Variants in CHEK1 observed in about 807,000 individuals in gnomAD.
CHEK1 encodes the protein checkpoint kinase 1.
In CHEK1, 32 loss-of-function variants were observed where a neutral mutation model predicts 60.2. The ratio of observed to expected loss-of-function variants is 0.53; its 90% CI spans 0.40 to 0.71. The LOEUF (loss-of-function observed/expected upper bound fraction) is 0.71, where lower values mean the gene tolerates loss of function less well. Among genes scored for constraint, CHEK1 ranks in the 30% least tolerant of loss-of-function variants. The pLI, the probability that CHEK1 is intolerant of heterozygous loss-of-function variation, is 0.00. For missense variants in CHEK1, 399 were observed against 564.6 expected, an observed-to-expected ratio of 0.71 and a Z score of 2.97; for synonymous variants, 179 against 187.2, an observed-to-expected ratio of 0.96 and a Z score of 0.36.
chr11:125,678,298 C>T (rs1316727624), downstream of CHEK1: 3 of 1,612,772 alleles, frequency 1.9e-6, no homozygotes, highest in Admixed American at 3.3e-5. Context: ...CTTGATGTTC[C>T]TGGGATGGAG....
intron 5 of CHEK1, among the ~76,000 whole-genome samples, chr11:125,632,601 G>A (rs1940908513): frequency 6.6e-6 from 1 of 152,112 alleles, no homozygotes; most frequent in Non-Finnish European, 1.5e-5. Context: ...AAGATGGGAA[G>A]TTAGGGTGGA....
At position 125,653,478 on chromosome 11, in the gene CHEK1, G is replaced by A. The variant is rs183127187; in HGVS notation, c.1234-268G>A. On this transcript the variant is annotated intron_variant, in intron 11 of 12. Transcript: ENST00000438015. This position sits in a 1 kb window ranked among gnomAD's most constrained non-coding sequence, Gnocchi z 4.3. ...TGGCCTCCCAAAGTGCTGGATTACAGGCGTGAGCCACAGTGCCTGGCCTAC... is the reference window on the plus strand; with the variant it reads ...TGGCCTCCCAAAGTGCTGGATTACAAGCGTGAGCCACAGTGCCTGGCCTAC... Among the ~76,000 whole-genome samples the A allele has an allele frequency of 1.9e-4, 29 of 152,354 alleles. 1 individual carries two copies. Among genetic ancestry groups the A allele is most frequent in the African/African-American group, 6.5e-4 (27 of 41,582 alleles).
chr11:125,668,996 G>A (rs1033933779), intron 13 of CHEK1, among the ~76,000 whole-genome samples: 1 of 151,744 alleles, frequency 6.6e-6, no homozygotes, highest in African/African-American at 2.4e-5. Flanking sequence ...CAAAAGTATA[G>A]GTCCACTTAT....
chr11:125,646,025 A>C (rs1481685002), intron 11 of CHEK1, among the ~76,000 whole-genome samples: 1 of 152,154 alleles, frequency 6.6e-6, no homozygotes, highest in Non-Finnish European at 1.5e-5. Flanking sequence ...TGTAAAATGC[A>C]GTGCTTTTTA....
downstream of CHEK1, among the ~76,000 whole-genome samples, chr11:125,660,447 A>C (rs1324170353): frequency 2.0e-5 from 3 of 151,980 alleles, no homozygotes; most frequent in Non-Finnish European, 4.4e-5. Flanking sequence ...GCTACACTCA[A>C]GCTCCTAGGC....
chr11:125,655,381 T>G lies in CHEK1; in HGVS notation c.*61T>G, dbSNP rs9282658. 761 of 1,220,464 alleles carry G rather than the reference T, an allele frequency of 6.2e-4. 3 individuals carry two copies. In the African/African-American group the frequency reaches 9.3e-3, roughly 15 times the overall value. The allele number at this position is 1,220,464 out of a possible 1,614,324, so 75.6% of individuals were successfully genotyped here. ...AGTGCTGCTATGTTGACATTATTCT[T>G]CCTAGAGAAGATTATCCTGTCCTGC... On this transcript the variant is annotated 3_prime_UTR_variant, in exon 13 of 13. Transcript: ENST00000438015.
At chr11:125,630,861 C>G (rs1352701088) in intron 5 of CHEK1, among the ~76,000 whole-genome samples, 1 of 152,022 alleles carries the variant, frequency 6.6e-6, no homozygotes, top group Non-Finnish European at 1.5e-5. Context: ...ACCCAAATGT[C>G]TGTCAACAAT....
chr11:125,663,417 T>G (rs1408070192), intron 13 of CHEK1, among the ~76,000 whole-genome samples: 1 of 152,202 alleles, frequency 6.6e-6, no homozygotes, highest in East Asian at 1.9e-4. Context: ...CCTCTGAATC[T>G]TAAGTTGTTC....
intron 13 of CHEK1, chr11:125,671,420 C>T (rs1942200694): frequency 6.6e-6 from 1 of 151,946 alleles, no homozygotes; most frequent in African/African-American, 2.4e-5. Flanking sequence ...AGTATAAGTT[C>T]AAAATAATTT....
chr11:125,639,222 C>A (rs1174738034), intron 8 of CHEK1, among the ~76,000 whole-genome samples: 1 of 151,992 alleles, frequency 6.6e-6, no homozygotes. Flanking sequence ...TGTACCTGCA[C>A]AACAGATTGC....
intron 11 of CHEK1, among the ~76,000 whole-genome samples, chr11:125,652,336 C>T (rs996587767): frequency 6.6e-6 from 1 of 152,166 alleles, no homozygotes; most frequent in Non-Finnish European, 1.5e-5. Context: ...GCCATAGGAA[C>T]GTTCTAAAAG....
chr11:125,626,917 A>G (rs2135969213), intron 2 of CHEK1, 84 bp downstream of exon 2: 1 of 1,429,794 alleles, frequency 7.0e-7, no homozygotes, highest in East Asian at 2.3e-5. Flanking sequence ...TAGAAAGTAG[A>G]TGTTTGAGAT....
chr11:125,634,000 T>TTTTTG (rs1555069065), intron 6 of CHEK1, among the ~76,000 whole-genome samples: 1 of 147,964 alleles, frequency 6.8e-6, no homozygotes, highest in Non-Finnish European at 1.5e-5. Context: ...CTATTGTGGT[T>TTTTTG]TTTTTTTTTT....
intron 5 of CHEK1, 126 bp downstream of exon 5, chr11:125,629,586 C>G (rs1940780469): frequency 1.5e-6 from 1 of 678,034 alleles, no homozygotes; most frequent in Non-Finnish European, 2.3e-6. Context: ...ACTGGAATTT[C>G]AAGACAAGAT....
intron 13 of CHEK1, among the ~76,000 whole-genome samples, chr11:125,665,071 A>T (rs1415785280): frequency 6.6e-6 from 1 of 152,162 alleles, no homozygotes; most frequent in Non-Finnish European, 1.5e-5. Context: ...TCTTTGTTGA[A>T]AATGAGTTGG....
chr11:125,663,983 C>G (rs1942057243), intron 13 of CHEK1, among the ~76,000 whole-genome samples: 1 of 152,080 alleles, frequency 6.6e-6, no homozygotes, highest in African/African-American at 2.4e-5. Flanking sequence ...TTTTTGTCAA[C>G]TTGGTCGAAG....
At chr11:125,665,920 T>A (rs1942090373) in intron 13 of CHEK1, among the ~76,000 whole-genome samples, 1 of 140,394 alleles carries the variant, frequency 7.1e-6, no homozygotes. Context: ...ATTTCTTGAA[T>A]CTTGTTGATC....
chr11:125,650,439 G>T lies in CHEK1; in HGVS notation c.1234-3307G>T, dbSNP rs929540488. Among the ~76,000 whole-genome samples, 915 of 141,398 alleles carry T rather than the reference G, an allele frequency of 6.5e-3. 5 individuals carry two copies. Among genetic ancestry groups the T allele is most frequent in the African/African-American group, 0.023 (871 of 38,146 alleles). The allele number at this position is 141,398 out of a possible 152,430, so 92.8% of individuals were successfully genotyped here. A position where few individuals can be genotyped will look rare whatever the true frequency, so the allele number is the denominator to read the frequency against. On this transcript the variant is annotated intron_variant, in intron 11 of 12. Transcript: ENST00000438015. ...TTGTTACCGCTTGATGTAGTTGTTT[G>T]TTTTTTTTAGTGGTGTTTGTTTTTT...
intron 6 of CHEK1, among the ~76,000 whole-genome samples, chr11:125,634,005 T>TTTTG (rs1555069074): frequency 6.7e-6 from 1 of 149,828 alleles, no homozygotes; most frequent in Non-Finnish European, 1.5e-5. Flanking sequence ...GTGGTTTTTT[T>TTTTG]TTTTTTTTTT....
Sources: allele counts gnomAD v4.1 joint callset (sites outside exome capture counted in the v4.1 genomes callset), GRCh38; gene constraint gnomAD v4.1.1; non-coding constraint Gnocchi (gnomAD v3.1); transcripts MANE v1.5; gene names NCBI Gene and HGNC (gene_info 2026-07-23, HGNC 2026-07-21).